VEPH1: variants seen among roughly 807,000 people sequenced by gnomAD.
VEPH1 encodes ventricular zone-expressed PH domain-containing protein homolog 1.
VEPH1 carries 80 observed loss-of-function variants against 85.2 expected under a neutral mutation model. That is an observed-to-expected ratio of 0.94 (90% CI 0.78 to 1.13). The LOEUF (loss-of-function observed/expected upper bound fraction) is 1.13. Among genes scored for constraint, VEPH1 ranks in the 50% most tolerant of loss-of-function variants. VEPH1 has a pLI of 0.00. For synonymous variants in VEPH1, 297 were observed against 348.0 expected (o/e 0.85, Z 1.63); for missense variants, 955 against 980.5 (o/e 0.97, Z 0.35).
intron 2 of VEPH1, among the ~76,000 whole-genome samples, chr3:157,479,275 G>A (rs978638301): frequency 6.6e-6 from 1 of 152,184 alleles, no homozygotes; most frequent in African/African-American, 2.4e-5. Flanking sequence ...CAGACTTAGA[G>A]AGTCATTCTC....
intron 12 of VEPH1, among the ~76,000 whole-genome samples, chr3:157,284,336 C>T (rs1716509930): frequency 6.6e-6 from 1 of 152,140 alleles, no homozygotes; most frequent in Non-Finnish European, 1.5e-5. Context: ...AGAGCAGAGA[C>T]ACTGTACCTT....
At chr3:157,437,409 G>C in intron 4 of VEPH1, 2 of 1,388,660 alleles carry the variant, frequency 1.4e-6, no homozygotes, top group South Asian at 2.5e-5. Context: ...GGGAATGCCA[G>C]GAACGGGCTG....
chr3:157,461,407 C>G (rs1735861283), intron 3 of VEPH1, among the ~76,000 whole-genome samples: 3 of 152,144 alleles, frequency 2.0e-5, no homozygotes. Flanking sequence ...AGAAATAGCC[C>G]TGGACTCCTA....
intron 4 of VEPH1, among the ~76,000 whole-genome samples, chr3:157,430,208 A>C (rs1733037163): frequency 6.6e-6 from 1 of 152,144 alleles, no homozygotes; most frequent in Admixed American, 6.5e-5. Flanking sequence ...CATCATCCTA[A>C]AGGGAGTATT....
At chr3:157,266,643 A>T (rs1024539827) in intron 12 of VEPH1, among the ~76,000 whole-genome samples, 1 of 152,206 alleles carries the variant, frequency 6.6e-6, no homozygotes, top group South Asian at 2.1e-4. Flanking sequence ...TGAATGGACT[A>T]ATTTTACATT....
chr3:157,393,393 A>C (rs1389022756), intron 6 of VEPH1, among the ~76,000 whole-genome samples: 1 of 152,232 alleles, frequency 6.6e-6, no homozygotes, highest in Non-Finnish European at 1.5e-5. Context: ...CAATGAAAAA[A>C]TAATTGTAAA....
intron 5 of VEPH1, among the ~76,000 whole-genome samples, chr3:157,422,050 G>A (rs1732383228): frequency 6.6e-6 from 1 of 152,044 alleles, no homozygotes; most frequent in Non-Finnish European, 1.5e-5. Context: ...GTATCTTCTG[G>A]AACTCTCATT....
At chr3:157,473,521 T>G (rs912717796) in intron 2 of VEPH1, among the ~76,000 whole-genome samples, 4 of 152,218 alleles carry the variant, frequency 2.6e-5, no homozygotes, top group African/African-American at 9.6e-5. Context: ...CATGGCTTAT[T>G]ATGTTGGCTA....
intron 10 of VEPH1, among the ~76,000 whole-genome samples, chr3:157,314,156 C>T (rs1720454781): frequency 6.6e-6 from 1 of 151,452 alleles, no homozygotes; most frequent in East Asian, 1.9e-4. Flanking sequence ...CATAGTGAAA[C>T]CCCGTCTCTA....
intron 6 of VEPH1, among the ~76,000 whole-genome samples, chr3:157,399,288 C>A (rs1730648060): frequency 6.6e-6 from 1 of 152,110 alleles, no homozygotes; most frequent in Non-Finnish European, 1.5e-5. Flanking sequence ...TGGTAACTTG[C>A]AAAAAACTTT....
At chr3:157,480,638 T>C (rs537945267) in intron 2 of VEPH1, among the ~76,000 whole-genome samples, 2 of 152,264 alleles carry the variant, frequency 1.3e-5, no homozygotes, top group African/African-American at 4.8e-5. Context: ...GACTTTGTTT[T>C]TATGGCTGTG....
At chr3:157,465,192 C>A (rs9877620) in intron 3 of VEPH1, among the ~76,000 whole-genome samples, 35,012 of 152,110 alleles carry the variant, frequency 0.23, 4,379 homozygotes, top group South Asian at 0.35. Context: ...CTCAACCATT[C>A]AACAAATATT....
chr3:157,459,615 G>A lies in VEPH1; in HGVS notation c.529+566C>T, dbSNP rs963819656. On this transcript the variant is annotated intron_variant, in intron 4 of 13. Coordinates refer to ENST00000362010, the MANE Select transcript of VEPH1 (RefSeq NM_001167912.2). ...ACCAAAGAAAATAAAAGAAGACAAG[G>A]AGAATATTTTGCATGAACTAATTTG... 26 of 1,238,048 alleles carry A rather than the reference G, an allele frequency of 2.1e-5. 1 individual carries two copies. In the African/African-American group the frequency reaches 3.9e-4, roughly 18 times the overall value. The allele number at this position is 1,238,048 out of a possible 1,614,324, so 76.7% of individuals were successfully genotyped here. A position where few individuals can be genotyped will look rare whatever the true frequency, so the allele number is the denominator to read the frequency against.
intron 5 of VEPH1, 62 bp downstream of exon 5, chr3:157,428,260 G>A: frequency 6.3e-7 from 1 of 1,576,940 alleles, no homozygotes; most frequent in Non-Finnish European, 8.7e-7. Context: ...CACATACGCT[G>A]TTCACACACA....
At chr3:157,422,035 C>A (rs1291369921) in intron 5 of VEPH1, among the ~76,000 whole-genome samples, 2 of 152,216 alleles carry the variant, frequency 1.3e-5, no homozygotes, top group Non-Finnish European at 2.9e-5. Context: ...CCCTCACCTT[C>A]TCCTGTATCT....
intron 12 of VEPH1, among the ~76,000 whole-genome samples, chr3:157,273,804 T>A (rs1275774731): frequency 6.6e-6 from 1 of 152,198 alleles, no homozygotes; most frequent in Non-Finnish European, 1.5e-5. Flanking sequence ...GTTCAATAAT[T>A]CACTCTCTAC....
In VEPH1 at chr3:157,324,619, G is replaced by A. The variant is rs1392227405; in HGVS notation, c.1736-7418C>T. On this transcript the variant is annotated intron_variant, in intron 9 of 13. Transcript: ENST00000362010. ...CCTGTTCCTGCATTAGTTTGCTGAG[G>A]GTAATGGCCTCCAGCTCCATCCATG... Among the ~76,000 whole-genome samples the A allele has an allele frequency of 3.3e-5, 5 of 151,758 alleles. 1 individual carries two copies. Among genetic ancestry groups the A allele is most frequent in the Middle Eastern group, 6.8e-3 (2 of 292 alleles).
At chr3:157,437,781 T>A in intron 4 of VEPH1, 1 of 1,474,742 alleles carries the variant, frequency 6.8e-7, no homozygotes, top group Non-Finnish European at 8.9e-7. Flanking sequence ...GGCTGGCGCG[T>A]ATGGAGGGCG....
intron 4 of VEPH1, among the ~76,000 whole-genome samples, chr3:157,457,643 A>T (rs1045985113): frequency 4.6e-5 from 7 of 151,636 alleles, no homozygotes; most frequent in African/African-American, 1.2e-4. Context: ...ATTTGTCTTT[A>T]GTTGTGTTTA....
Sources: allele counts gnomAD v4.1 joint callset (sites outside exome capture counted in the v4.1 genomes callset), GRCh38; gene constraint gnomAD v4.1.1; transcripts MANE v1.5; gene names NCBI Gene and HGNC (gene_info 2026-07-23, HGNC 2026-07-21).